The following ANKRD28 variants were observed in gnomAD, a reference collection of about 807,000 sequenced individuals.
ANKRD28 encodes serine/threonine-protein phosphatase 6 regulatory ankyrin repeat subunit A.
In ANKRD28, 44 loss-of-function variants were observed where a neutral mutation model predicts 126.5. That is an observed-to-expected ratio of 0.35 (90% CI 0.27 to 0.45). The LOEUF is 0.45. ANKRD28 is among the 20% of genes least tolerant of loss of function. ANKRD28 has a pLI of 1.00. For synonymous variants in ANKRD28, 442 were observed against 468.5 expected (o/e 0.94, Z 0.73); for missense variants, 1,110 against 1,316.6 (o/e 0.84, Z 2.43).
At chr3:15,795,733 T>C (rs1365991201) in intron 1 of ANKRD28, among the ~76,000 whole-genome samples, 3 of 152,110 alleles carry the variant, frequency 2.0e-5, no homozygotes, top group African/African-American at 4.8e-5. Flanking sequence ...TTATCTTACA[T>C]GGATTAGCAT....
intron 2 of ANKRD28, among the ~76,000 whole-genome samples, chr3:15,794,691 CAAT>C (rs2060198236): frequency 6.6e-6 from 1 of 152,148 alleles, no homozygotes; most frequent in East Asian, 1.9e-4. Flanking sequence ...ACTTTTCCAA[CAAT>C]GACTTTACTG....
chr3:15,707,795 T>C, intron 14 of ANKRD28, 129 bp downstream of exon 14: 7 of 1,143,520 alleles, frequency 6.1e-6, no homozygotes, highest in South Asian at 3.3e-5. Flanking sequence ...TTTCCCAAAA[T>C]AGACTTAGGG....
At chr3:15,811,062 T>C (rs2060700997) in intron 1 of ANKRD28, among the ~76,000 whole-genome samples, 2 of 152,216 alleles carry the variant, frequency 1.3e-5, no homozygotes, top group Non-Finnish European at 2.9e-5. Flanking sequence ...TTTAAGATGC[T>C]TGTTTTTATG....
chr3:15,701,435 G>A (rs753088930), intron 14 of ANKRD28, among the ~76,000 whole-genome samples: 1 of 151,936 alleles, frequency 6.6e-6, no homozygotes, highest in Non-Finnish European at 1.5e-5. Context: ...ACCTGAGGTC[G>A]GGAGTTCAAG....
rs1467026181 is a variant in ANKRD28 at position 15,812,785 on chromosome 3, T to C, written c.28-17479A>G. Among the ~76,000 whole-genome samples, 2 of 152,130 alleles carry C rather than the reference T, an allele frequency of 1.3e-5. No homozygotes were observed. Among genetic ancestry groups the C allele is most frequent in the African/African-American group, 4.8e-5 (2 of 41,420 alleles). On this transcript the variant is annotated intron_variant, in intron 1 of 27. Transcript: ENST00000399451. This position sits in a 1 kb window ranked among gnomAD's most constrained non-coding sequence, Gnocchi z 4.1. The stretch of plus-strand genomic sequence containing the variant: ...ATCCCACAGAACAACAAATAAGTCA[T>C]TCTATGTACTTTTTTAAAAGGTGAT...
In ANKRD28 at chr3:15,853,532, C is replaced by T. The variant is rs965716993; in HGVS notation, c.27+5845G>A. On this transcript the variant is annotated intron_variant, in intron 1 of 27. Transcript: ENST00000399451. This position sits in a 1 kb window ranked among gnomAD's most constrained non-coding sequence, Gnocchi z 4.2. ...TCGCCCAGGCTGGAGTGCAGTAGTACGATTCTGGCTCACTGCAAGCTCCGC... is the reference window on the plus strand; with the variant it reads ...TCGCCCAGGCTGGAGTGCAGTAGTATGATTCTGGCTCACTGCAAGCTCCGC... Among the ~76,000 whole-genome samples the T allele has an allele frequency of 8.5e-5, 13 of 152,090 alleles. No homozygotes were observed. Among genetic ancestry groups the T allele is most frequent in the Admixed American group, 3.9e-4 (6 of 15,284 alleles).
At chr3:15,680,746 G>C (rs2067454586) in intron 21 of ANKRD28, among the ~76,000 whole-genome samples, 1 of 151,520 alleles carries the variant, frequency 6.6e-6, no homozygotes, top group Admixed American at 6.6e-5. Context: ...ACTCTCTGCA[G>C]TCTCAACCTC....
rs2061729635 is a variant in ANKRD28, at chr3:15,854,875, C to T, written c.27+4502G>A. On this transcript the variant is annotated intron_variant, in intron 1 of 27. Coordinates refer to the ANKRD28 transcript ENST00000399451. The surrounding 1 kb of genome is among the most constrained non-coding windows in gnomAD (Gnocchi z 4.1). ...ACTATCCTGGCCAACATGGTGAAAC[C>T]CCGTCTCTACTAAAATTACAAAAAT... Among the ~76,000 whole-genome samples the T allele has an allele frequency of 6.6e-6, 1 of 152,036 alleles. No individual in the cohort carries two copies. The highest frequency in any genetic ancestry group is 1.5e-5 in the Non-Finnish European group (1 of 68,008).
At chr3:15,820,388 CA>C (rs944272148) in intron 1 of ANKRD28, among the ~76,000 whole-genome samples, 11 of 151,382 alleles carry the variant, frequency 7.3e-5, no homozygotes, top group African/African-American at 2.7e-4. Context: ...ACTGATTTAC[CA>C]AAAAAAAGAG....
intron 1 of ANKRD28, among the ~76,000 whole-genome samples, chr3:15,809,367 A>T (rs2060659405): frequency 6.6e-6 from 1 of 152,202 alleles, no homozygotes; most frequent in Non-Finnish European, 1.5e-5. Context: ...ACTTTCACAC[A>T]GATCCTTTCC....
chr3:15,714,715 T>A, intron 8 of ANKRD28, 59 bp from the exon 9 acceptor site: 1 of 1,232,302 alleles, frequency 8.1e-7, no homozygotes, highest in Non-Finnish European at 1.1e-6. Context: ...TAAACCTTAG[T>A]TTTACTTTGA....
chr3:15,796,450 T>G lies in ANKRD28; in HGVS notation c.72A>C (p.Pro24=). The G allele has an allele frequency of 7.8e-7, 1 of 1,288,694 alleles. No homozygotes were observed. The highest frequency in any genetic ancestry group is 1.0e-6 in the Non-Finnish European group (1 of 988,112). 79.8% of individuals were successfully genotyped at this position (1,288,694 alleles called of 1,614,324 possible). Residue 24 remains proline (P), a synonymous_variant, in exon 1 of 28, where the codon CCA becomes CCC. Transcript: ENST00000683139. ...GAGAATGTAGGGATTTATTTTCCTGTGGCAATTTAGAAATGAATGCAGGAG... is the reference window on the plus strand; with the variant it reads ...GAGAATGTAGGGATTTATTTTCCTGGGGCAATTTAGAAATGAATGCAGGAG... The part of the protein sequence containing the change: ...DESPAFISKL[P]QENKSLHSPP...
intron 4 of ANKRD28, among the ~76,000 whole-genome samples, chr3:15,741,061 G>A (rs528722705): frequency 2.2e-4 from 34 of 152,056 alleles, no homozygotes; most frequent in African/African-American, 7.7e-4. Flanking sequence ...TAGCCAGGTG[G>A]GGGGGCGGGC....
Position 15,797,947 on chromosome 3 carries a change from G to C in ANKRD28, c.-1426C>G. The C allele has an allele frequency of 1.0e-6, 1 of 985,360 alleles. No individual in the cohort carries two copies. The highest frequency in any genetic ancestry group is 1.2e-6 in the Non-Finnish European group (1 of 829,908). 61.0% of individuals were successfully genotyped at this position (985,360 alleles called of 1,614,324 possible). A position where few individuals can be genotyped will look rare whatever the true frequency, so the allele number is the denominator to read the frequency against. ...GCAGACCCACAGGATGAAATGCCTA[G>C]TAATGCTCACATGTTACACTTACCA... On this transcript the variant is annotated 5_prime_UTR_variant, in exon 1 of 28. Coordinates refer to ENST00000683139, the MANE Select transcript of ANKRD28 (RefSeq NM_001349278.2).
chr3:15,739,720 TA>T (rs1197825908), intron 4 of ANKRD28, among the ~76,000 whole-genome samples: 1 of 152,214 alleles, frequency 6.6e-6, no homozygotes, highest in Non-Finnish European at 1.5e-5. Context: ...AACAAAATGC[TA>T]TTAGCCATGA....
intron 4 of ANKRD28, among the ~76,000 whole-genome samples, chr3:15,743,512 C>T (rs759837030): frequency 1.3e-5 from 2 of 150,372 alleles, no homozygotes; most frequent in African/African-American, 2.5e-5. Context: ...AAATATAAGT[C>T]GTATGCTCTC....
chr3:15,685,533 A>G, intron 20 of ANKRD28, 88 bp from the exon 21 acceptor site: 1 of 1,129,958 alleles, frequency 8.8e-7, no homozygotes, highest in Non-Finnish European at 1.3e-6. Flanking sequence ...TAAAGACCAT[A>G]CTCTCCATAT....
intron 6 of ANKRD28, among the ~76,000 whole-genome samples, chr3:15,731,510 T>C (rs1575428281): frequency 1.3e-5 from 2 of 152,104 alleles, no homozygotes; most frequent in South Asian, 4.1e-4. Flanking sequence ...TAAGATGCAA[T>C]ACGGAACTTG....
intron 1 of ANKRD28, among the ~76,000 whole-genome samples, chr3:15,852,961 T>C (rs954771557): frequency 1.3e-5 from 2 of 151,182 alleles, no homozygotes; most frequent in African/African-American, 4.9e-5. Flanking sequence ...AGCATACACA[T>C]AGAAGAATCC....
Sources: gnomAD v4.1 joint callset for allele counts (sites outside exome capture counted in the v4.1 genomes callset) on GRCh38, gnomAD v4.1.1 for gene constraint, Gnocchi (gnomAD v3.1) non-coding constraint, MANE v1.5 for transcripts, NCBI Gene and HGNC (gene_info 2026-07-23, HGNC 2026-07-21) for gene names.